The following ARHGEF3 variants were observed in gnomAD, a reference collection of about 807,000 sequenced individuals.
ARHGEF3 encodes the protein 59.8 kDA protein.
ARHGEF3 carries 28 observed loss-of-function variants against 63.2 expected under a neutral mutation model. The ratio of observed to expected loss-of-function variants is 0.44; its 90% confidence interval spans 0.33 to 0.61. The LOEUF (loss-of-function observed/expected upper bound fraction) is 0.61. Among genes scored for constraint, ARHGEF3 ranks in the 20% least tolerant of loss-of-function variants. The pLI is 0.03. For synonymous variants in ARHGEF3, 266 were observed against 254.2 expected (o/e 1.05, Z -0.44); for missense variants, 533 against 659.3 (o/e 0.81, Z 2.10).
intron 2 of ARHGEF3, among the ~76,000 whole-genome samples, chr3:57,016,330 T>A (rs972607171): frequency 6.7e-6 from 1 of 150,350 alleles, no homozygotes; most frequent in South Asian, 2.1e-4. Context: ...GATCATGAGG[T>A]CAGGGGTTCA....
chr3:56,757,314 A>C (rs2107779971), intron 2 of ARHGEF3, among the ~76,000 whole-genome samples: 1 of 152,266 alleles, frequency 6.6e-6, no homozygotes, highest in African/African-American at 2.4e-5. Flanking sequence ...CTCTACTAAA[A>C]GTACAAAAAT....
chr3:56,857,248 T>C (rs889464572), intron 4 of ARHGEF3, among the ~76,000 whole-genome samples: 3 of 152,186 alleles, frequency 2.0e-5, no homozygotes, highest in Admixed American at 2.0e-4. Flanking sequence ...CTAACGTTGA[T>C]TTCCCTTTCT....
chr3:56,870,100 T>C (rs909680252), intron 4 of ARHGEF3, among the ~76,000 whole-genome samples: 7 of 152,204 alleles, frequency 4.6e-5, no homozygotes, highest in African/African-American at 7.2e-5. Context: ...AGATAGTCAT[T>C]GTTTGTTATT....
intron 7 of ARHGEF3, among the ~76,000 whole-genome samples, chr3:56,740,282 C>A (rs1197104124): frequency 6.3e-5 from 9 of 143,080 alleles, no homozygotes; most frequent in Non-Finnish European, 9.1e-5. Context: ...AAAAAAAAAA[C>A]CCTTATTTTA....
chr3:57,002,557 ATATGTTATATG>A (rs1560123349), intron 2 of ARHGEF3, among the ~76,000 whole-genome samples: 2 of 137,280 alleles, frequency 1.5e-5, no homozygotes, highest in African/African-American at 5.4e-5. Flanking sequence ...TATGTTATAT[ATATGTTATATG>A]TATGTTATAT....
chr3:56,908,945 C>T (rs13070800), intron 3 of ARHGEF3, among the ~76,000 whole-genome samples: 80,860 of 151,998 alleles, frequency 0.53, 23,129 homozygotes, highest in Non-Finnish European at 0.63. Flanking sequence ...AATTCCCTGA[C>T]GCTATGCACA....
intron 2 of ARHGEF3, among the ~76,000 whole-genome samples, chr3:56,772,117 A>G (rs9812484): frequency 0.31 from 47,702 of 152,068 alleles, 10,724 homozygotes; most frequent in African/African-American, 0.64. Flanking sequence ...CACAAAAGGG[A>G]TCAGGGTATT....
intron 2 of ARHGEF3, among the ~76,000 whole-genome samples, chr3:56,970,688 G>T (rs1040284820): frequency 6.6e-6 from 1 of 152,174 alleles, no homozygotes; most frequent in African/African-American, 2.4e-5. Flanking sequence ...CTGTATTTTA[G>T]CTTCCTGCGA....
intron 2 of ARHGEF3, among the ~76,000 whole-genome samples, chr3:56,990,015 A>T (rs1426530370): frequency 6.6e-6 from 1 of 152,216 alleles, no homozygotes; most frequent in African/African-American, 2.4e-5. Flanking sequence ...GAATTATTTA[A>T]AACAATGACG....
chr3:56,950,034 G>T lies in ARHGEF3; in HGVS notation c.129+8789C>A, dbSNP rs575848235. Among the ~76,000 whole-genome samples, 10 of 152,110 alleles carry T rather than the reference G, an allele frequency of 6.6e-5. 1 individual carries two copies. Among genetic ancestry groups the T allele is most frequent in the African/African-American group, 2.4e-4 (10 of 41,394 alleles). Reference sequence around the variant, plus strand: ...TGACAAAAACAAGAAAAGGGGGAACGATTTCCTATTTAATAAATGGTGCTG... The same window carrying T: ...TGACAAAAACAAGAAAAGGGGGAACTATTTCCTATTTAATAAATGGTGCTG... On this transcript the variant is annotated intron_variant, in intron 3 of 12. Transcript: ENST00000338458.
At chr3:56,813,281 G>T (rs183606725) in intron 4 of ARHGEF3, among the ~76,000 whole-genome samples, 1 of 152,300 alleles carries the variant, frequency 6.6e-6, no homozygotes, top group Admixed American at 6.5e-5. Flanking sequence ...AGCTGGGAAG[G>T]CTGGGTTTTT....
At chr3:57,014,229 A>C (rs1344207755) in intron 2 of ARHGEF3, among the ~76,000 whole-genome samples, 1 of 152,184 alleles carries the variant, frequency 6.6e-6, no homozygotes, top group Non-Finnish European at 1.5e-5. Flanking sequence ...GAATATCCGA[A>C]GGAACAAACT....
At position 57,042,651 on chromosome 3, in the gene ARHGEF3, AATATATATATATATAT is replaced by A. The variant is rs71076013; in HGVS notation, c.-27-7491_-27-7476del. 3.7e-4 allele frequency among the ~76,000 whole-genome samples: 18 copies of A among 49,286 alleles called. 2 individuals are homozygous for A. The highest frequency in any genetic ancestry group is 1.4e-3 in the Admixed American group (4 of 2,778). 32.3% of individuals were successfully genotyped at this position (49,286 alleles called of 152,430 possible). A position where few individuals can be genotyped will look rare whatever the true frequency, so the allele number is the denominator to read the frequency against. On this transcript the variant is annotated intron_variant, in intron 1 of 12. Transcript: ENST00000338458. ...CCCAGCATAACACTGTATGTACATA[AATATATATATATATAT>A]ATATATATATATATATATATATATA...
intron 1 of ARHGEF3, 21 bp downstream of exon 1, chr3:56,801,682 A>G: frequency 1.3e-6 from 2 of 1,552,564 alleles, no homozygotes; most frequent in East Asian, 2.4e-5. Context: ...ATAGAGGTCC[A>G]GGTGCAGGGC....
intron 2 of ARHGEF3, among the ~76,000 whole-genome samples, chr3:57,014,000 T>C (rs1286114172): frequency 2.6e-5 from 4 of 152,196 alleles, no homozygotes; most frequent in African/African-American, 9.7e-5. Context: ...TGCTGCTCAC[T>C]CTTTGGATCT....
chr3:56,915,474 A>G (rs1424233135), intron 3 of ARHGEF3, among the ~76,000 whole-genome samples: 1 of 152,118 alleles, frequency 6.6e-6, no homozygotes. Flanking sequence ...TCAAAAAACA[A>G]AAACAAACAA....
At chr3:56,780,063 G>C (rs1286339863) in intron 1 of ARHGEF3, among the ~76,000 whole-genome samples, 1 of 152,186 alleles carries the variant, frequency 6.6e-6, no homozygotes, top group Non-Finnish European at 1.5e-5. Flanking sequence ...AAGGTTTAAG[G>C]AGCACAAATA....
intron 9 of ARHGEF3, among the ~76,000 whole-genome samples, chr3:56,730,137 TA>T (rs542872546): frequency 6.6e-6 from 1 of 152,350 alleles, no homozygotes; most frequent in South Asian, 2.1e-4. Context: ...AGTCGTTTCA[TA>T]ATCTGTAATT....
intron 4 of ARHGEF3, among the ~76,000 whole-genome samples, chr3:56,857,349 G>T (rs572095350): frequency 6.6e-6 from 1 of 152,110 alleles, no homozygotes; most frequent in East Asian, 1.9e-4. Flanking sequence ...ATTCCTCCTG[G>T]GACTATTATT....
Sources: allele counts gnomAD v4.1 joint callset (sites outside exome capture counted in the v4.1 genomes callset), GRCh38; gene constraint gnomAD v4.1.1; transcripts MANE v1.5; gene names NCBI Gene and HGNC (gene_info 2026-07-23, HGNC 2026-07-21).